The following STOX2 variants were observed in gnomAD, a reference collection of about 807,000 sequenced individuals.
STOX2 encodes storkhead-box protein 2.
In STOX2, 28 loss-of-function variants were observed where a neutral mutation model predicts 60.9. The ratio of observed to expected loss-of-function variants is 0.46; its 90% confidence interval spans 0.34 to 0.63. The LOEUF is 0.63. STOX2 is among the 30% of genes least tolerant of loss of function. STOX2 has a pLI of 0.01. For missense variants in STOX2, 1,024 were observed against 1,187.7 expected (o/e 0.86, Z 2.03); for synonymous variants, 472 against 463.9 (o/e 1.02, Z -0.22).
At chr4:184,016,500 T>A (rs1382040346) in intron 3 of STOX2, 1 of 152,146 alleles carries the variant, frequency 6.6e-6, no homozygotes, top group African/African-American at 2.4e-5. Context: ...GAAAATATAA[T>A]GTATTTTAAC....
At chr4:183,857,316 T>C (rs1432131126) in intron 1 of STOX2, among the ~76,000 whole-genome samples, 3,714 of 120,086 alleles carry the variant, frequency 0.031, 46 homozygotes, top group Admixed American at 0.04. Context: ...CTGGTTATCC[T>C]GCAGTACTGG....
intron 1 of STOX2, among the ~76,000 whole-genome samples, chr4:183,986,626 G>C (rs1399524463): frequency 6.6e-6 from 1 of 152,252 alleles, no homozygotes; most frequent in Non-Finnish European, 1.5e-5. Flanking sequence ...GAGCTGATCT[G>C]GGCACAGGGA....
intron 1 of STOX2, among the ~76,000 whole-genome samples, chr4:183,831,989 CTTT>C (rs11310177): frequency 1.0e-4 from 14 of 135,776 alleles, no homozygotes; most frequent in Admixed American, 2.2e-4. Context: ...TCTTCTTCTT[CTTT>C]TTTTTTTTTT....
intron 1 of STOX2, among the ~76,000 whole-genome samples, chr4:183,922,722 AGGGTGTATCCT>A (rs1742138324): frequency 6.6e-6 from 1 of 152,166 alleles, no homozygotes; most frequent in Non-Finnish European, 1.5e-5. Flanking sequence ...GGCCAACATC[AGGGTGTATCCT>A]GGGAACTGTT....
intron 1 of STOX2, among the ~76,000 whole-genome samples, chr4:183,968,750 C>T (rs917182655): frequency 4.0e-4 from 5 of 12,360 alleles, no homozygotes; most frequent in South Asian, 2.4e-3. Context: ...GGTTGGGTTG[C>T]GGCAGGGGGG....
chr4:183,852,524 G>A (rs376845852), intron 1 of STOX2, among the ~76,000 whole-genome samples: 1,099 of 59,332 alleles, frequency 0.019, 37 homozygotes, highest in East Asian at 0.075. Flanking sequence ...AAAGGATGAG[G>A]GAAAGGATGA....
At position 183,825,955 on chromosome 4, in the gene STOX2, C is replaced by A. The variant is rs1295162435; in HGVS notation, c.364+27900C>A. Among the ~76,000 whole-genome samples, 1 of 152,104 alleles carries A rather than the reference C, an allele frequency of 6.6e-6. No homozygotes were observed. Among genetic ancestry groups the A allele is most frequent in the African/African-American group, 2.4e-5 (1 of 41,396 alleles). Reference sequence around the variant, plus strand: ...TGAAAATCGACACCATTTGCAGTCGCTGAAACCTTTGGGTAATCTATCACC... The same window carrying A: ...TGAAAATCGACACCATTTGCAGTCGATGAAACCTTTGGGTAATCTATCACC... On this transcript the variant is annotated intron_variant, in intron 1 of 2. Coordinates refer to the STOX2 transcript ENST00000513034. The surrounding 1 kb of genome is among the most constrained non-coding windows in gnomAD (Gnocchi z 4.1).
At chr4:183,911,915 G>A (rs779162107) in intron 1 of STOX2, among the ~76,000 whole-genome samples, 3 of 152,170 alleles carry the variant, frequency 2.0e-5, no homozygotes, top group Non-Finnish European at 4.4e-5. Context: ...TAGTTTGTGA[G>A]AGTATAGATA....
chr4:183,944,740 G>T (rs1742841252), intron 1 of STOX2, among the ~76,000 whole-genome samples: 1 of 152,152 alleles, frequency 6.6e-6, no homozygotes, highest in Non-Finnish European at 1.5e-5. Flanking sequence ...AAAATGGTGA[G>T]AAAGTCATTT....
Position 183,802,280 on chromosome 4 carries a change from A to C in STOX2, c.364+4225A>C, listed in dbSNP as rs1422032230. On this transcript the variant is annotated intron_variant, in intron 1 of 2. Transcript: ENST00000513034. ...ATAAAATTGTTTAGAACACATGGGC[A>C]TCAAGATTTTATTCTTTTCCAAAAT... Among the ~76,000 whole-genome samples the C allele has an allele frequency of 2.6e-5, 4 of 152,268 alleles. No individual in the cohort carries two copies. In the East Asian group the frequency reaches 7.7e-4, roughly 29 times the overall value.
intron 1 of STOX2, among the ~76,000 whole-genome samples, chr4:183,946,664 C>T (rs976624549): frequency 4.1e-5 from 6 of 144,704 alleles, no homozygotes; most frequent in East Asian, 2.0e-4. Context: ...CTCGCTCTGT[C>T]GCACAGGCTA....
intron 1 of STOX2, among the ~76,000 whole-genome samples, chr4:183,971,276 G>C (rs1743734184): frequency 6.6e-6 from 1 of 152,216 alleles, no homozygotes; most frequent in African/African-American, 2.4e-5. Context: ...CCCTCAGCCA[G>C]GGCTAAGGTG....
intron 1 of STOX2, among the ~76,000 whole-genome samples, chr4:183,822,663 G>C (rs112155720): frequency 6.6e-6 from 1 of 152,198 alleles, no homozygotes; most frequent in Non-Finnish European, 1.5e-5. Flanking sequence ...CCATCTGAGC[G>C]ATGGGGAGCA....
intron 1 of STOX2, among the ~76,000 whole-genome samples, chr4:183,840,520 G>T (rs1436881633): frequency 1.3e-5 from 2 of 152,188 alleles, no homozygotes; most frequent in African/African-American, 4.8e-5. Flanking sequence ...GCAACCAGAG[G>T]TTTTCTGCAC....
chr4:183,930,830 A>G (rs1290345303), intron 1 of STOX2, among the ~76,000 whole-genome samples: 1 of 152,184 alleles, frequency 6.6e-6, no homozygotes, highest in African/African-American at 2.4e-5. Context: ...ACTGACCTAG[A>G]TCTACAAATT....
chr4:183,902,200 T>G (rs1741478071), upstream of STOX2, among the ~76,000 whole-genome samples: 1 of 152,194 alleles, frequency 6.6e-6, no homozygotes, highest in Non-Finnish European at 1.5e-5. Context: ...GGAGTTTACA[T>G]TCTTCTAACT....
chr4:183,910,470 G>A (rs550570393), intron 1 of STOX2, among the ~76,000 whole-genome samples: 97 of 152,284 alleles, frequency 6.4e-4, no homozygotes, highest in Non-Finnish European at 1.1e-3. Flanking sequence ...CTCTTCACAC[G>A]AATGATGCTG....
At chr4:183,950,618 T>C (rs1743039848) in intron 1 of STOX2, among the ~76,000 whole-genome samples, 1 of 152,154 alleles carries the variant, frequency 6.6e-6, no homozygotes, top group South Asian at 2.1e-4. Flanking sequence ...CAAAGATCAC[T>C]GTACCGAGGG....
At chr4:183,885,168 G>T (rs575530727) in intron 1 of STOX2, among the ~76,000 whole-genome samples, 1 of 152,104 alleles carries the variant, frequency 6.6e-6, no homozygotes, top group African/African-American at 2.4e-5. Flanking sequence ...TCAGAGTATA[G>T]TCGCCCACCG....
Sources: gnomAD v4.1 joint callset for allele counts (sites outside exome capture counted in the v4.1 genomes callset) on GRCh38, gnomAD v4.1.1 for gene constraint, Gnocchi (gnomAD v3.1) non-coding constraint, MANE v1.5 for transcripts, NCBI Gene and HGNC (gene_info 2026-07-23, HGNC 2026-07-21) for gene names.